The following PCDHGB1 variants were observed in gnomAD, a reference collection of about 807,000 sequenced individuals.
PCDHGB1 encodes protocadherin gamma-B1.
Under a neutral mutation model 56.6 loss-of-function variants are expected in PCDHGB1, and 34 were observed. The ratio of observed to expected loss-of-function variants is 0.60; its 90% CI spans 0.46 to 0.80. PCDHGB1 has a LOEUF of 0.80. PCDHGB1 is among the 30% of genes least tolerant of loss of function. The pLI is 0.00. For missense variants in PCDHGB1, 1,278 were observed against 1,204.6 expected (o/e 1.06, Z -0.90); for synonymous variants, 561 against 505.9 (o/e 1.11, Z -1.46).
chr5:141,388,769 C>T (rs1216196772), intron 1 of PCDHGB1: 23 of 1,613,914 alleles, frequency 1.4e-5, no homozygotes, highest in Non-Finnish European at 1.9e-5. Flanking sequence ...TGAACTCTAA[C>T]ACCGGGGAAA....
intron 1 of PCDHGB1, chr5:141,478,229 T>C: frequency 6.2e-7 from 1 of 1,614,074 alleles, no homozygotes; most frequent in Non-Finnish European, 8.5e-7. Flanking sequence ...TTCTGTGGGG[T>C]TTGTGGTCAC....
intron 2 of PCDHGB1, 143 bp from the exon 3 acceptor site, chr5:141,505,250 T>C: frequency 2.8e-6 from 4 of 1,439,476 alleles, no homozygotes; most frequent in Non-Finnish European, 9.3e-7. Flanking sequence ...ATTGTAGAAG[T>C]GCCTCCTACC....
rs200349180 is a variant in PCDHGB1, at chr5:141,351,181, G to A, written c.921G>A (p.Glu307=). Residue 307 remains glutamate (E), a synonymous_variant, in exon 1 of 4, where the codon GAG becomes GAA. Coordinates refer to ENST00000523390, the MANE Select transcript of PCDHGB1 (RefSeq NM_018922.3). ...CCAATGGCACATTGGATTTTGAAGA[G>A]ACAAGTAGATATGTGTTGAGTGTGG... is the stretch of plus-strand genomic sequence containing the variant. The part of the protein sequence containing the change: ...ITTNGTLDFE[E]TSRYVLSVEA... The A allele has an allele frequency of 6.2e-7, 1 of 1,614,038 alleles. No individual in the cohort carries two copies. The highest frequency in any genetic ancestry group is 1.3e-5 in the African/African-American group (1 of 75,052).
Position 141,487,125 on chromosome 5 carries a change from G to A in PCDHGB1, c.2410-7682G>A. 6.2e-7 allele frequency: 1 copy of A among 1,614,112 alleles called. No homozygotes were observed. The highest frequency in any genetic ancestry group is 8.5e-7 in the Non-Finnish European group (1 of 1,179,994). The stretch of plus-strand genomic sequence containing the variant: ...CTGGTCATTGTGGTAAAGGATAGTG[G>A]TAGTCCACCACTCTCTACCTCTGTT... On this transcript the variant is annotated intron_variant, in intron 1 of 3. Coordinates refer to ENST00000523390, the MANE Select transcript of PCDHGB1 (RefSeq NM_018922.3). This position sits in a 1 kb window ranked among gnomAD's most constrained non-coding sequence, Gnocchi z 5.0.
chr5:141,374,760 C>A, intron 1 of PCDHGB1: 1 of 1,613,440 alleles, frequency 6.2e-7, no homozygotes, highest in Non-Finnish European at 8.5e-7. Flanking sequence ...TCAAGCGTCG[C>A]CCAAATTCTG....
chr5:141,475,080 C>T (rs963278755), intron 1 of PCDHGB1, among the ~76,000 whole-genome samples: 3 of 152,128 alleles, frequency 2.0e-5, no homozygotes, highest in South Asian at 4.1e-4. Flanking sequence ...GCCATTATTT[C>T]AATAATTTTA....
At chr5:141,508,193 C>T (rs1426786164) in intron 3 of PCDHGB1, 1 of 152,326 alleles carries the variant, frequency 6.6e-6, no homozygotes, top group Non-Finnish European at 1.5e-5. Flanking sequence ...ATCACCCCCA[C>T]CTCGTCCAGG....
In PCDHGB1 at chr5:141,432,220, C is replaced by A. The variant is rs949257429; in HGVS notation, c.2410-62587C>A. ...CCGACTGTGAAGAGAACGCCCAGAT[C>A]ACTTATTCCCTGGCTGAGAACACCA... On this transcript the variant is annotated intron_variant, in intron 1 of 3. Coordinates refer to ENST00000523390, the MANE Select transcript of PCDHGB1 (RefSeq NM_018922.3). This position sits in a 1 kb window ranked among gnomAD's most constrained non-coding sequence, Gnocchi z 6.0. The A allele has an allele frequency of 2.5e-6, 4 of 1,614,246 alleles. No homozygotes were observed. The highest frequency in any genetic ancestry group is 1.6e-4 in the Middle Eastern group (1 of 6,062).
At position 141,431,952 on chromosome 5, in the gene PCDHGB1, AC is replaced by A; in HGVS notation, c.2410-62854del. ...CTGCCCTTTAAATTAGAAAAATCTTACGGAAATTACTATAGTTTAGTCACAG... is the reference window on the plus strand; with the variant it reads ...CTGCCCTTTAAATTAGAAAAATCTTAGGAAATTACTATAGTTTAGTCACAG... On this transcript the variant is annotated intron_variant, in intron 1 of 3. Transcript: ENST00000523390. This position sits in a 1 kb window ranked among gnomAD's most constrained non-coding sequence, Gnocchi z 4.8. 1 of 1,614,166 alleles carries A rather than the reference AC, an allele frequency of 6.2e-7. No homozygotes were observed. The highest frequency in any genetic ancestry group is 1.1e-5 in the South Asian group (1 of 91,090).
At chr5:141,420,245 G>T (rs72790042) in intron 1 of PCDHGB1, 1 of 1,584,230 alleles carries the variant, frequency 6.3e-7, no homozygotes, top group East Asian at 2.2e-5. Flanking sequence ...AACTCCCAGC[G>T]TTGAAGCAGA....
chr5:141,476,421 C>T lies in PCDHGB1; in HGVS notation c.2410-18386C>T, dbSNP rs765688262. On this transcript the variant is annotated intron_variant, in intron 1 of 3. Coordinates refer to ENST00000523390, the MANE Select transcript of PCDHGB1 (RefSeq NM_018922.3). The surrounding 1 kb of genome is among the most constrained non-coding windows in gnomAD (Gnocchi z 7.6). ...CGAGAGGAGCTGTGTGGGACACTGC[C>T]CTCTTGCACTGTAACTCTGGAGTTG... 1 of 1,614,026 alleles carries T rather than the reference C, an allele frequency of 6.2e-7. No homozygotes were observed. The highest frequency in any genetic ancestry group is 8.5e-7 in the Non-Finnish European group (1 of 1,179,994).
At chr5:141,365,300 G>A in intron 1 of PCDHGB1, 1 of 1,614,010 alleles carries the variant, frequency 6.2e-7, no homozygotes, top group South Asian at 1.1e-5. Flanking sequence ...AGCTCAGGAT[G>A]GAGGCGCTCT....
chr5:141,432,215 C>T lies in PCDHGB1; in HGVS notation c.2410-62592C>T. The T allele has an allele frequency of 1.9e-6, 3 of 1,614,228 alleles. No individual in the cohort carries two copies. The highest frequency in any genetic ancestry group is 2.5e-6 in the Non-Finnish European group (3 of 1,180,036). The stretch of plus-strand genomic sequence containing the variant: ...CGACCCCGACTGTGAAGAGAACGCC[C>T]AGATCACTTATTCCCTGGCTGAGAA... On this transcript the variant is annotated intron_variant, in intron 1 of 3. Transcript: ENST00000523390. This position sits in a 1 kb window ranked among gnomAD's most constrained non-coding sequence, Gnocchi z 6.0.
Position 141,462,050 on chromosome 5 carries a change from C to T in PCDHGB1, c.2410-32757C>T, listed in dbSNP as rs146056741. On this transcript the variant is annotated intron_variant, in intron 1 of 3. Coordinates refer to ENST00000523390, the MANE Select transcript of PCDHGB1 (RefSeq NM_018922.3). ...GTTGGTCAGGCGGGTCTTGAACTCC[C>T]GACCTCAGGTGATCTGCCCGCCTTG... is the stretch of plus-strand genomic sequence containing the variant. 5.5e-3 allele frequency among the ~76,000 whole-genome samples: 830 copies of T among 151,978 alleles called. 23 individuals are homozygous for T. The East Asian group carries it at 0.095, about 17-fold the overall frequency.
At position 141,432,379 on chromosome 5, in the gene PCDHGB1, G is replaced by A; in HGVS notation, c.2410-62428G>A. On this transcript the variant is annotated intron_variant, in intron 1 of 3. Transcript: ENST00000523390. The surrounding 1 kb of genome is among the most constrained non-coding windows in gnomAD (Gnocchi z 6.0). ...TGATGGCGCGGGACAACGGGCACCC[G>A]CCCCTCAGCAGCAACGTGTCGTTGA... 1.2e-6 allele frequency: 2 copies of A among 1,614,208 alleles called. No homozygotes were observed. The highest frequency in any genetic ancestry group is 1.7e-6 in the Non-Finnish European group (2 of 1,180,038).
chr5:141,405,522 C>T (rs542329840), intron 1 of PCDHGB1: 28 of 682,252 alleles, frequency 4.1e-5, no homozygotes, highest in Admixed American at 8.3e-5. Flanking sequence ...CAAATTCAAG[C>T]GATTCTCCTG....
At chr5:141,372,579 C>A in intron 1 of PCDHGB1, 1 of 1,614,048 alleles carries the variant, frequency 6.2e-7, no homozygotes, top group Non-Finnish European at 8.5e-7. Flanking sequence ...CTACTTTCAG[C>A]CTGGTGTCTG....
intron 1 of PCDHGB1, among the ~76,000 whole-genome samples, chr5:141,463,088 C>T (rs768488458): frequency 6.6e-6 from 1 of 152,108 alleles, no homozygotes; most frequent in Non-Finnish European, 1.5e-5. Flanking sequence ...ATTTTCCAGC[C>T]CTATGTGACC....
At position 141,350,294 on chromosome 5, in the gene PCDHGB1, A is replaced by T; in HGVS notation, c.34A>T (p.Ser12Cys). ...AGCCAGAGAAGCCGAAATGATGAAAAGTCAGGTACTGTTTCCCTTCCTGCT... is the reference window on the plus strand; with the variant it reads ...AGCCAGAGAAGCCGAAATGATGAAATGTCAGGTACTGTTTCCCTTCCTGCT... ...QRAREAEMMKSQVLFPFLLSL... is the reference protein window; with the variant it reads ...QRAREAEMMKCQVLFPFLLSL... The change falls in exon 1 of 4, where the codon AGT becomes TGT. Residue 12 changes from serine (S) to cysteine (C), a missense_variant. Coordinates refer to ENST00000523390, the MANE Select transcript of PCDHGB1 (RefSeq NM_018922.3). 2 of 1,510,364 alleles carry T rather than the reference A, an allele frequency of 1.3e-6. No individual in the cohort carries two copies. Among genetic ancestry groups the T allele is most frequent in the South Asian group, 2.8e-5 (2 of 72,450 alleles). 93.6% of individuals were successfully genotyped at this position (1,510,364 alleles called of 1,614,324 possible). A position where few individuals can be genotyped will look rare whatever the true frequency, so the allele number is the denominator to read the frequency against.
Sources: gnomAD v4.1 joint callset for allele counts (sites outside exome capture counted in the v4.1 genomes callset) on GRCh38, gnomAD v4.1.1 for gene constraint, Gnocchi (gnomAD v3.1) non-coding constraint, MANE v1.5 for transcripts, NCBI Gene and HGNC (gene_info 2026-07-23, HGNC 2026-07-21) for gene names.